PREX2: variants seen among roughly 807,000 people sequenced by gnomAD.
PREX2 encodes phosphatidylinositol 3,4,5-trisphosphate-dependent Rac exchanger 2 protein.
A neutral mutation model predicts 203.2 loss-of-function variants in PREX2; 107 were observed. That is an observed-to-expected ratio of 0.53 (90% CI 0.45 to 0.62). The LOEUF is 0.62. PREX2 is among the 20% of genes least tolerant of loss of function. The pLI, the probability that PREX2 is intolerant of heterozygous loss-of-function variation, is 0.00. For synonymous variants in PREX2, 672 were observed against 663.6 expected (o/e 1.01, Z -0.19); for missense variants, 1,777 against 1,955.9 (o/e 0.91, Z 1.72).
intron 1 of PREX2, among the ~76,000 whole-genome samples, chr8:68,009,159 C>T (rs940965264): frequency 1.3e-5 from 2 of 152,128 alleles, no homozygotes; most frequent in African/African-American, 4.8e-5. Flanking sequence ...TCTGGGTTTT[C>T]CAGCACTAAA....
intron 19 of PREX2, among the ~76,000 whole-genome samples, chr8:68,088,879 A>G (rs1056418874): frequency 6.6e-6 from 1 of 152,188 alleles, no homozygotes; most frequent in African/African-American, 2.4e-5. Context: ...CTCTTCCCTT[A>G]TTACAATGTC....
chr8:68,213,054 CTG>C (rs1219778964), intron 37 of PREX2, among the ~76,000 whole-genome samples: 1 of 152,168 alleles, frequency 6.6e-6, no homozygotes, highest in Non-Finnish European at 1.5e-5. Flanking sequence ...CATTGGATGA[CTG>C]TGTACAATGG....
chr8:68,193,615 T>C (rs1039945125), intron 37 of PREX2, among the ~76,000 whole-genome samples: 1 of 152,052 alleles, frequency 6.6e-6, no homozygotes, highest in Non-Finnish European at 1.5e-5. Flanking sequence ...AATAACATAA[T>C]GATAAAAGTA....
chr8:68,024,711 C>T lies in PREX2; in HGVS notation c.442-2511C>T, dbSNP rs533159489. On this transcript the variant is annotated intron_variant, in intron 4 of 39. Transcript: ENST00000288368. ...TCCTACATGTCTTTTTTGTTTGTTT[C>T]TCTGTTCCTGTTTTACCACCTACTT... Among the ~76,000 whole-genome samples, 8 of 151,734 alleles carry T rather than the reference C, an allele frequency of 5.3e-5. No individual in the cohort carries two copies. In the South Asian group the frequency reaches 1.5e-3, roughly 28 times the overall value.
intron 35 of PREX2, among the ~76,000 whole-genome samples, chr8:68,163,081 T>C (rs188555800): frequency 6.6e-6 from 1 of 152,288 alleles, no homozygotes; most frequent in Admixed American, 6.5e-5. Context: ...AAGCATTTGG[T>C]CTAGTTATTT....
At chr8:68,220,614 C>A (rs186864972) in intron 38 of PREX2, among the ~76,000 whole-genome samples, 7 of 152,178 alleles carry the variant, frequency 4.6e-5, no homozygotes, top group African/African-American at 1.4e-4. Flanking sequence ...CGGGCACAAG[C>A]AAGCAAGTTT....
chr8:68,021,296 G>GT (rs1410259165), intron 3 of PREX2, among the ~76,000 whole-genome samples: 2 of 152,146 alleles, frequency 1.3e-5, no homozygotes, highest in African/African-American at 4.8e-5. Flanking sequence ...AAAGATCCTA[G>GT]TTTTATATTT....
At chr8:68,061,942 G>T (rs1039297738) in intron 11 of PREX2, among the ~76,000 whole-genome samples, 1 of 152,154 alleles carries the variant, frequency 6.6e-6, no homozygotes, top group South Asian at 2.1e-4. Flanking sequence ...GGTAAATTGT[G>T]GGGGAGGAGA....
chr8:68,090,083 C>CA (rs1470205413), intron 19 of PREX2, among the ~76,000 whole-genome samples: 1 of 152,130 alleles, frequency 6.6e-6, no homozygotes, highest in East Asian at 1.9e-4. Context: ...TTGGAAAAAC[C>CA]AGTCCAATCA....
At chr8:68,106,356 A>G (rs780924677) in intron 23 of PREX2, 4 of 510,920 alleles carry the variant, frequency 7.8e-6, no homozygotes, top group South Asian at 5.7e-5. Flanking sequence ...CCGTTTCTTT[A>G]TTAGTAAAGT....
At chr8:68,038,120 C>T (rs776692417) in intron 6 of PREX2, 39 bp from the exon 7 acceptor site, 51 of 1,587,908 alleles carry the variant, frequency 3.2e-5, no homozygotes, top group South Asian at 5.7e-5. Context: ...GAAGTGTCAA[C>T]CAAGTAAGCA....
At chr8:68,011,603 GT>G (rs1807263676) in intron 1 of PREX2, among the ~76,000 whole-genome samples, 2 of 152,010 alleles carry the variant, frequency 1.3e-5, no homozygotes, top group Non-Finnish European at 2.9e-5. Context: ...TTCTCCAAGT[GT>G]TTGAAGAGAG....
intron 5 of PREX2, among the ~76,000 whole-genome samples, chr8:68,028,263 AATG>A (rs1379416886): frequency 6.6e-6 from 1 of 151,706 alleles, no homozygotes; most frequent in Non-Finnish European, 1.5e-5. Flanking sequence ...ATATAATGAT[AATG>A]ATTAATTTAA....
chr8:68,002,088 T>TAAAA (rs35621636), intron 1 of PREX2, among the ~76,000 whole-genome samples: 3 of 146,614 alleles, frequency 2.0e-5, no homozygotes, highest in Non-Finnish European at 3.0e-5. Context: ...AAAATAAACT[T>TAAAA]AAAAAAAAAA....
At chr8:68,222,949 A>G (rs1812984454) in intron 38 of PREX2, among the ~76,000 whole-genome samples, 1 of 152,218 alleles carries the variant, frequency 6.6e-6, no homozygotes, top group South Asian at 2.1e-4. Flanking sequence ...AGTAATGACC[A>G]ATACTTATCA....
chr8:67,967,522 G>A lies in PREX2; in HGVS notation c.141+14987G>A, dbSNP rs796446996. On this transcript the variant is annotated intron_variant, in intron 1 of 39. Transcript: ENST00000288368. ...TGCAGCCAACATTCAAATTCATCAT[G>A]GATGGGAACCCAGCACGCTGTGCAG... Among the ~76,000 whole-genome samples, 17 of 152,302 alleles carry A rather than the reference G, an allele frequency of 1.1e-4. 2 individuals are homozygous for A. Among genetic ancestry groups the A allele is most frequent in the Admixed American group, 3.9e-4 (6 of 15,302 alleles).
intron 30 of PREX2, among the ~76,000 whole-genome samples, chr8:68,126,243 G>A (rs1810883370): frequency 6.6e-6 from 1 of 151,982 alleles, no homozygotes; most frequent in African/African-American, 2.4e-5. Flanking sequence ...GTCTCATTTA[G>A]AATTCTATAC....
chr8:68,199,449 AT>A (rs1269848327), intron 37 of PREX2, among the ~76,000 whole-genome samples: 4 of 152,206 alleles, frequency 2.6e-5, no homozygotes, highest in African/African-American at 9.6e-5. Context: ...CTGGGGTTGA[AT>A]TACCAAGGCT....
intron 37 of PREX2, among the ~76,000 whole-genome samples, chr8:68,196,336 G>A (rs1475648095): frequency 6.7e-6 from 1 of 149,200 alleles, no homozygotes; most frequent in Non-Finnish European, 1.5e-5. Flanking sequence ...ATTCTATTCT[G>A]ACATCCTTTT....
Sources: allele counts gnomAD v4.1 joint callset (sites outside exome capture counted in the v4.1 genomes callset), GRCh38; gene constraint gnomAD v4.1.1; transcripts MANE v1.5; gene names NCBI Gene and HGNC (gene_info 2026-07-23, HGNC 2026-07-21).